The following KIF6 variants were observed in gnomAD, a reference collection of about 807,000 sequenced individuals.
The protein encoded by KIF6 is kinesin family member 6, also known as kinesin-like protein KIF6.
Under a neutral mutation model 112.7 loss-of-function variants are expected in KIF6, and 106 were observed. That is an observed-to-expected ratio of 0.94 (90% CI 0.80 to 1.11). The LOEUF (loss-of-function observed/expected upper bound fraction) is 1.11. Ranked by LOEUF, KIF6 falls within the 50% of genes least tolerant of loss-of-function variation. The pLI is 0.00. For synonymous variants in KIF6, 339 were observed against 339.9 expected, an observed-to-expected ratio of 1.00 and a Z score of 0.03; for missense variants, 929 against 964.0, an observed-to-expected ratio of 0.96 and a Z score of 0.48.
intron 22 of KIF6, among the ~76,000 whole-genome samples, chr6:39,337,919 A>G (rs1252318811): frequency 6.6e-6 from 1 of 152,184 alleles, no homozygotes; most frequent in Admixed American, 6.5e-5. Context: ...TGCTTCACAA[A>G]ATGTGGTCCA....
chr6:39,455,243 C>T (rs1388333283), intron 13 of KIF6, among the ~76,000 whole-genome samples: 1 of 151,562 alleles, frequency 6.6e-6, no homozygotes, highest in South Asian at 2.1e-4. Flanking sequence ...CTGGGAGGCA[C>T]CCCCCAGCAG....
intron 3 of KIF6, among the ~76,000 whole-genome samples, chr6:39,705,978 C>G (rs1274643993): frequency 6.6e-6 from 1 of 152,196 alleles, no homozygotes; most frequent in East Asian, 1.9e-4. Context: ...GATGTCTCTT[C>G]ATGCTGCAGA....
intron 9 of KIF6, among the ~76,000 whole-genome samples, chr6:39,581,764 A>C (rs1011949403): frequency 6.6e-6 from 1 of 151,938 alleles, no homozygotes; most frequent in Non-Finnish European, 1.5e-5. Flanking sequence ...TTTAATCTCT[A>C]TTCCTTTGCT....
chr6:39,512,666 C>T (rs1177809124), intron 13 of KIF6, among the ~76,000 whole-genome samples: 1 of 152,176 alleles, frequency 6.6e-6, no homozygotes, highest in African/African-American at 2.4e-5. Flanking sequence ...GCTTTCATTT[C>T]CCATCAGAAT....
At chr6:39,429,077 T>C (rs1198042290) in intron 14 of KIF6, among the ~76,000 whole-genome samples, 5 of 152,338 alleles carry the variant, frequency 3.3e-5, no homozygotes, top group South Asian at 4.1e-4. Flanking sequence ...CTGCCGTCCA[T>C]ATACAGAGCC....
chr6:39,668,127 T>C (rs1786592718), intron 3 of KIF6, among the ~76,000 whole-genome samples: 1 of 152,186 alleles, frequency 6.6e-6, no homozygotes, highest in Non-Finnish European at 1.5e-5. Flanking sequence ...GCCGTCACCA[T>C]ACTCCCTGTA....
intron 3 of KIF6, among the ~76,000 whole-genome samples, chr6:39,709,429 T>C (rs1427312730): frequency 3.3e-5 from 5 of 152,154 alleles, no homozygotes; most frequent in Non-Finnish European, 7.3e-5. Flanking sequence ...CCTATGAGGA[T>C]CTAATGCCGC....
intron 11 of KIF6, among the ~76,000 whole-genome samples, chr6:39,545,136 T>C (rs940868340): frequency 1.3e-5 from 2 of 152,194 alleles, no homozygotes; most frequent in South Asian, 2.1e-4. Flanking sequence ...CAAATGTTTA[T>C]TATCTTAAAG....
chr6:39,606,909 C>T (rs559991182), intron 6 of KIF6, among the ~76,000 whole-genome samples: 2 of 152,260 alleles, frequency 1.3e-5, no homozygotes, highest in South Asian at 4.1e-4. Flanking sequence ...AAACTCTATC[C>T]TGCCTGAGGT....
intron 13 of KIF6, among the ~76,000 whole-genome samples, chr6:39,533,781 C>G (rs185555223): frequency 6.6e-6 from 1 of 152,324 alleles, no homozygotes; most frequent in African/African-American, 2.4e-5. Context: ...TGACCCCTGA[C>G]TCCCGAGCAG....
chr6:39,486,758 C>A (rs1395347231), intron 13 of KIF6, among the ~76,000 whole-genome samples: 1 of 152,170 alleles, frequency 6.6e-6, no homozygotes, highest in Non-Finnish European at 1.5e-5. Context: ...AATTTCTGAA[C>A]CTGTGAGTGA....
At position 39,725,232 on chromosome 6, in the gene KIF6, C is replaced by A; in HGVS notation, c.66+13G>T. The A allele has an allele frequency of 6.2e-7, 1 of 1,606,366 alleles. No homozygotes were observed. The highest frequency in any genetic ancestry group is 8.5e-7 in the Non-Finnish European group (1 of 1,176,756). On this transcript the variant is annotated intron_variant, in intron 1 of 22. Coordinates refer to ENST00000287152, the MANE Select transcript of KIF6 (RefSeq NM_145027.6). ...CCCCGCCGCGCCGGCGCCCCGGAGG[C>A]TCCAGCCCGTACCCCTTGTTGGTGC...
In KIF6 at chr6:39,629,329, A is replaced by G. The variant is rs1784244759; in HGVS notation, c.509+5520T>C. Reference sequence around the variant, plus strand: ...GTTCCTGTTGCTCCACATCCTTGCCAGCATTTGGTGTTAGTATTTTAGATT... The same window carrying G: ...GTTCCTGTTGCTCCACATCCTTGCCGGCATTTGGTGTTAGTATTTTAGATT... On this transcript the variant is annotated intron_variant, in intron 5 of 22. Transcript: ENST00000287152. Among the ~76,000 whole-genome samples, 2 of 152,066 alleles carry G rather than the reference A, an allele frequency of 1.3e-5. 1 individual carries two copies. Among genetic ancestry groups the G allele is most frequent in the Admixed American group, 1.3e-4 (2 of 15,228 alleles).
intron 3 of KIF6, among the ~76,000 whole-genome samples, chr6:39,704,131 G>C (rs1212215944): frequency 6.6e-6 from 1 of 152,056 alleles, no homozygotes; most frequent in Non-Finnish European, 1.5e-5. Flanking sequence ...TTCTGAATTG[G>C]GATGAAAATC....
chr6:39,442,568 G>T (rs959305218), intron 13 of KIF6, among the ~76,000 whole-genome samples: 1 of 152,210 alleles, frequency 6.6e-6, no homozygotes. Context: ...CTGGAGGCCA[G>T]CAACGTTTCC....
At chr6:39,418,998 G>A (rs994824459) in intron 15 of KIF6, among the ~76,000 whole-genome samples, 2 of 152,094 alleles carry the variant, frequency 1.3e-5, no homozygotes, top group Non-Finnish European at 2.9e-5. Flanking sequence ...CTGGGCCTGG[G>A]AGATGGGTCT....
At chr6:39,634,209 T>C (rs1477189678) in intron 5 of KIF6, among the ~76,000 whole-genome samples, 1 of 152,196 alleles carries the variant, frequency 6.6e-6, no homozygotes, top group African/African-American at 2.4e-5. Context: ...CAAAAGTATA[T>C]GAACAGTTGC....
intron 5 of KIF6, among the ~76,000 whole-genome samples, chr6:39,625,815 G>A (rs1407319523): frequency 6.6e-6 from 1 of 152,134 alleles, no homozygotes; most frequent in East Asian, 1.9e-4. Context: ...GTGTATGGGG[G>A]AGAACTGGCT....
chr6:39,532,995 A>ACAC (rs796742913), intron 13 of KIF6, among the ~76,000 whole-genome samples: 15 of 152,310 alleles, frequency 9.8e-5, no homozygotes, highest in African/African-American at 3.1e-4. Context: ...CAGGACTGAC[A>ACAC]CACCTTTCAA....
Sources: allele counts gnomAD v4.1 joint callset (sites outside exome capture counted in the v4.1 genomes callset), GRCh38; gene constraint gnomAD v4.1.1; transcripts MANE v1.5; gene names NCBI Gene and HGNC (gene_info 2026-07-23, HGNC 2026-07-21).